Variants in FER observed in about 807,000 individuals in gnomAD.
FER encodes tyrosine-protein kinase Fer.
FER carries 63 observed loss-of-function variants against 111.0 expected under a neutral mutation model. That is an observed-to-expected ratio of 0.57 (90% confidence interval 0.46 to 0.70). FER has a LOEUF of 0.70. Ranked by LOEUF, FER falls within the 30% of genes least tolerant of loss-of-function variation. FER has a pLI of 0.00. For missense variants in FER, 914 were observed against 954.0 expected (o/e 0.96, Z 0.55); for synonymous variants, 327 against 313.9 (o/e 1.04, Z -0.44).
chr5:109,073,322 C>T (rs1412785102), intron 16 of FER, among the ~76,000 whole-genome samples: 1 of 152,114 alleles, frequency 6.6e-6, no homozygotes, highest in Non-Finnish European at 1.5e-5. Context: ...TCTCAGCTTT[C>T]AACAAGACTC....
At chr5:108,853,062 G>A (rs542624476) in intron 5 of FER, among the ~76,000 whole-genome samples, 33 of 152,032 alleles carry the variant, frequency 2.2e-4, no homozygotes, top group African/African-American at 7.5e-4. Context: ...ATATTTTATC[G>A]GTAAGCTTCT....
chr5:109,051,747 A>G, intron 16 of FER: 2 of 1,571,630 alleles, frequency 1.3e-6, no homozygotes, highest in East Asian at 4.5e-5. Context: ...CCTTAACCCA[A>G]TCCTTAACGC....
At chr5:108,948,412 A>G (rs1382922763) in intron 11 of FER, among the ~76,000 whole-genome samples, 1 of 152,126 alleles carries the variant, frequency 6.6e-6, no homozygotes, top group Non-Finnish European at 1.5e-5. Context: ...ATCAGCTACA[A>G]GCATGTGCTT....
chr5:108,805,441 A>T (rs548633236), intron 3 of FER, among the ~76,000 whole-genome samples: 2 of 152,304 alleles, frequency 1.3e-5, no homozygotes, highest in East Asian at 3.9e-4. Flanking sequence ...CTAAAAAGCT[A>T]CCTGAAAATG....
chr5:108,915,422 G>C, intron 10 of FER, among the ~76,000 whole-genome samples: 1 of 152,142 alleles, frequency 6.6e-6, no homozygotes, highest in Middle Eastern at 3.2e-3. Flanking sequence ...CATGAGCCGA[G>C]ATTGCCCCAT....
intron 17 of FER, among the ~76,000 whole-genome samples, chr5:109,166,743 G>T (rs1169960881): frequency 6.6e-6 from 1 of 152,124 alleles, no homozygotes; most frequent in African/African-American, 2.4e-5. Flanking sequence ...TAGGGCTGGA[G>T]AGTATAACAT....
intron 16 of FER, among the ~76,000 whole-genome samples, chr5:109,070,151 C>T (rs549804124): frequency 3.3e-5 from 5 of 150,982 alleles, no homozygotes; most frequent in African/African-American, 4.9e-5. Flanking sequence ...TTTTCATCTC[C>T]GCAACCATAT....
At chr5:108,990,006 G>T (rs750626113) in intron 13 of FER, among the ~76,000 whole-genome samples, 1 of 151,764 alleles carries the variant, frequency 6.6e-6, no homozygotes, top group African/African-American at 2.4e-5. Flanking sequence ...CTAGTGCCTT[G>T]TACTTACTAG....
rs527730521 is a variant in FER at position 108,867,355 on chromosome 5, T to C, written c.482-412T>C. Among the ~76,000 whole-genome samples the C allele has an allele frequency of 3.3e-5, 5 of 152,262 alleles. No homozygotes were observed. In the East Asian group the frequency reaches 9.6e-4, roughly 29 times the overall value. On this transcript the variant is annotated intron_variant, in intron 5 of 19. Transcript: ENST00000281092. Reference sequence around the variant, plus strand: ...TTTGTCTTCTCCACAAAGCCTCCTCTGACTACCCTTGTCTTTGTTGATATC... The same window carrying C: ...TTTGTCTTCTCCACAAAGCCTCCTCCGACTACCCTTGTCTTTGTTGATATC...
At chr5:108,948,462 T>G (rs917386142) in intron 11 of FER, among the ~76,000 whole-genome samples, 2 of 152,134 alleles carry the variant, frequency 1.3e-5, no homozygotes, top group African/African-American at 4.8e-5. Context: ...TCCCTATTAT[T>G]AGTATCTCAG....
intron 5 of FER, among the ~76,000 whole-genome samples, chr5:108,851,134 A>G (rs1375283197): frequency 6.6e-6 from 1 of 152,172 alleles, no homozygotes; most frequent in East Asian, 1.9e-4. Context: ...ACATCATTGT[A>G]TTAATCTGTT....
intron 17 of FER, among the ~76,000 whole-genome samples, chr5:109,140,954 C>A (rs1476685491): frequency 1.3e-5 from 2 of 152,104 alleles, no homozygotes; most frequent in East Asian, 3.9e-4. Context: ...AATTCTGGAC[C>A]CATATTCCAC....
chr5:109,165,328 T>C (rs1219651572), intron 17 of FER, among the ~76,000 whole-genome samples: 1 of 152,178 alleles, frequency 6.6e-6, no homozygotes, highest in East Asian at 1.9e-4. Flanking sequence ...CTAAATTAAA[T>C]AGTTTCAATA....
At chr5:109,046,178 C>G (rs1408059942) in intron 15 of FER, among the ~76,000 whole-genome samples, 1 of 152,112 alleles carries the variant, frequency 6.6e-6, no homozygotes, top group Non-Finnish European at 1.5e-5. Flanking sequence ...TTCAATTATC[C>G]ATTTGCCAAC....
At chr5:109,041,031 G>A (rs1311837230) in intron 14 of FER, among the ~76,000 whole-genome samples, 1 of 152,134 alleles carries the variant, frequency 6.6e-6, no homozygotes, top group Admixed American at 6.6e-5. Flanking sequence ...GAGGATGGGA[G>A]ATTTGAGAAG....
intron 17 of FER, among the ~76,000 whole-genome samples, chr5:109,114,871 A>G (rs1474607216): frequency 2.0e-5 from 3 of 151,738 alleles, no homozygotes; most frequent in Non-Finnish European, 4.4e-5. Context: ...CTCTGTCCCT[A>G]TTGTTTGTAT....
chr5:108,997,432 A>G (rs943498238), intron 13 of FER, among the ~76,000 whole-genome samples: 6 of 151,224 alleles, frequency 4.0e-5, no homozygotes, highest in South Asian at 4.2e-4. Context: ...AAAAAAAAAA[A>G]AGAGATTTTG....
chr5:109,167,866 A>G lies in FER; in HGVS notation c.2049-12881A>G, dbSNP rs539102242. 3.3e-5 allele frequency among the ~76,000 whole-genome samples: 5 copies of G among 152,288 alleles called. No homozygotes were observed. In the South Asian group the frequency reaches 1.0e-3, roughly 32 times the overall value. On this transcript the variant is annotated intron_variant, in intron 17 of 19. Coordinates refer to ENST00000281092, the MANE Select transcript of FER (RefSeq NM_005246.4). ...CAAACCTAGTGTCCCTTCCAAAGGTAGAAAAGTTTCAGTATGAATGAACAG... is the reference window on the plus strand; with the variant it reads ...CAAACCTAGTGTCCCTTCCAAAGGTGGAAAAGTTTCAGTATGAATGAACAG...
At chr5:108,970,928 G>C (rs1015342371) in intron 13 of FER, among the ~76,000 whole-genome samples, 2 of 152,136 alleles carry the variant, frequency 1.3e-5, no homozygotes, top group Admixed American at 1.3e-4. Flanking sequence ...TTCTGGTAAA[G>C]GTTTATAAGC....
Sources: allele counts gnomAD v4.1 joint callset (sites outside exome capture counted in the v4.1 genomes callset), GRCh38; gene constraint gnomAD v4.1.1; transcripts MANE v1.5; gene names NCBI Gene and HGNC (gene_info 2026-07-23, HGNC 2026-07-21).